The following MAP2 variants were observed in gnomAD, a reference collection of about 807,000 sequenced individuals.
The protein encoded by MAP2 is microtubule associated protein 2.
In MAP2, 14 loss-of-function variants were observed where a neutral mutation model predicts 137.6. The ratio of observed to expected loss-of-function variants is 0.10; its 90% CI spans 0.07 to 0.16. The LOEUF is 0.16. Among genes scored for constraint, MAP2 ranks in the 10% least tolerant of loss-of-function variants. MAP2 has a pLI of 1.00. For missense variants in MAP2, 2,088 were observed against 2,191.5 expected, an observed-to-expected ratio of 0.95 and a Z score of 0.94; for synonymous variants, 786 against 782.3, an observed-to-expected ratio of 1.00 and a Z score of -0.08.
At chr2:209,722,545 G>T (rs971050955) in intron 13 of MAP2, among the ~76,000 whole-genome samples, 5 of 152,038 alleles carry the variant, frequency 3.3e-5, no homozygotes, top group Non-Finnish European at 5.9e-5. Context: ...TTGCAGAGGT[G>T]GGGAAGAGAA....
At position 209,443,124 on chromosome 2, in the gene MAP2, T is replaced by G. The variant is rs1043632915; in HGVS notation, c.-222+18848T>G. ...GAAGCATGCTATCTCTTCAATCTTA[T>G]TTTCAGCCACTCCCTTCCTGTATTT... On this transcript the variant is annotated intron_variant, in intron 1 of 15. Transcript: ENST00000682079. Among the ~76,000 whole-genome samples the G allele has an allele frequency of 4.0e-5, 6 of 151,506 alleles. No individual in the cohort carries two copies. The South Asian group carries it at 6.2e-4, about 16-fold the overall frequency.
intron 3 of MAP2, 146 bp from the exon 4 acceptor site, chr2:209,624,907 T>C (rs576108716): frequency 1.1e-4 from 16 of 152,332 alleles, no homozygotes; most frequent in African/African-American, 3.8e-4. Flanking sequence ...GTATGACCAC[T>C]ATAAAGAACC....
intron 14 of MAP2, among the ~76,000 whole-genome samples, chr2:209,726,291 C>T (rs1307429817): frequency 6.6e-6 from 1 of 152,264 alleles, no homozygotes; most frequent in East Asian, 1.9e-4. Flanking sequence ...GCAATGTTTC[C>T]TCAACTTATT....
chr2:209,527,721 C>T (rs1314831498), intron 2 of MAP2, among the ~76,000 whole-genome samples: 2 of 152,048 alleles, frequency 1.3e-5, no homozygotes, highest in Admixed American at 6.6e-5. Flanking sequence ...TCAGAGTGTC[C>T]CCTGAACCAG....
At chr2:209,599,652 T>C (rs924386867) in intron 3 of MAP2, among the ~76,000 whole-genome samples, 1 of 152,186 alleles carries the variant, frequency 6.6e-6, no homozygotes, top group Non-Finnish European at 1.5e-5. Flanking sequence ...AATTGCCTTC[T>C]TGTCAACAGA....
chr2:209,642,048 C>T (rs2094075562), intron 4 of MAP2, among the ~76,000 whole-genome samples: 1 of 152,142 alleles, frequency 6.6e-6, no homozygotes, highest in South Asian at 2.1e-4. Flanking sequence ...CCAGATCTCT[C>T]TGGAAGTGTC....
chr2:209,627,557 T>C (rs1206759189), intron 4 of MAP2, among the ~76,000 whole-genome samples: 3 of 152,322 alleles, frequency 2.0e-5, no homozygotes, highest in Non-Finnish European at 1.5e-5. Flanking sequence ...ATATAATGAT[T>C]GCAGAGCCTG....
chr2:209,434,947 T>TATATATATATGTTATATATATATG (rs1559157795), intron 1 of MAP2, among the ~76,000 whole-genome samples: 5 of 141,832 alleles, frequency 3.5e-5, no homozygotes, highest in African/African-American at 1.3e-4. Flanking sequence ...ATATATGTGT[T>TATATATATATGTTATATATATATG]TTATATATAT....
intron 1 of MAP2, among the ~76,000 whole-genome samples, chr2:209,479,645 C>CA (rs1194689472): frequency 6.6e-6 from 1 of 152,014 alleles, no homozygotes; most frequent in Non-Finnish European, 1.5e-5. Context: ...TAGAAAAATT[C>CA]AGAGATTCTG....
intron 2 of MAP2, among the ~76,000 whole-genome samples, chr2:209,525,467 T>C (rs1435499229): frequency 6.6e-6 from 1 of 152,124 alleles, no homozygotes. Context: ...TATGAAGAAT[T>C]GTTATTCACG....
At chr2:209,690,758 A>C in intron 7 of MAP2, 1 of 1,289,800 alleles carries the variant, frequency 7.8e-7, no homozygotes, top group Non-Finnish European at 1.0e-6. Context: ...TCCCGAAGAG[A>C]GTGCCCCAGC....
chr2:209,706,351 T>TC (rs1389774548), intron 12 of MAP2, among the ~76,000 whole-genome samples: 1 of 152,124 alleles, frequency 6.6e-6, no homozygotes, highest in Non-Finnish European at 1.5e-5. Flanking sequence ...TCAAATTACT[T>TC]CCGTAAATAT....
chr2:209,673,344 C>T (rs1466294378), intron 5 of MAP2, among the ~76,000 whole-genome samples: 2 of 151,672 alleles, frequency 1.3e-5, no homozygotes, highest in Non-Finnish European at 3.0e-5. Context: ...CAGAAATTGT[C>T]TCATTATCAT....
At chr2:209,449,063 A>T (rs185422593) in intron 1 of MAP2, among the ~76,000 whole-genome samples, 6 of 152,278 alleles carry the variant, frequency 3.9e-5, no homozygotes, top group Non-Finnish European at 8.8e-5. Flanking sequence ...ACGTGCTTCC[A>T]TTAGGTCTTC....
intron 4 of MAP2, among the ~76,000 whole-genome samples, chr2:209,640,552 C>CA (rs5838177): frequency 0.17 from 23,388 of 136,182 alleles, 2,516 homozygotes; most frequent in African/African-American, 0.31. Context: ...CAAAGAAATG[C>CA]AAAAAAAAAA....
intron 2 of MAP2, among the ~76,000 whole-genome samples, chr2:209,522,712 T>C (rs1272576009): frequency 6.6e-6 from 1 of 152,192 alleles, no homozygotes; most frequent in Non-Finnish European, 1.5e-5. Flanking sequence ...GTTTTTGTTT[T>C]TGTTTTTGTT....
At chr2:209,702,136 T>G (rs13419654) in intron 11 of MAP2, among the ~76,000 whole-genome samples, 1,910 of 152,168 alleles carry the variant, frequency 0.013, 39 homozygotes, top group African/African-American at 0.044. Flanking sequence ...AAGTCTGACC[T>G]TTCCTCCTTT....
intron 1 of MAP2, among the ~76,000 whole-genome samples, chr2:209,467,986 G>C (rs961187003): frequency 6.6e-6 from 1 of 152,090 alleles, no homozygotes; most frequent in Admixed American, 6.6e-5. Flanking sequence ...GCAGCAACTG[G>C]TTTATACTTA....
At chr2:209,479,559 T>C (rs1708230361) in intron 1 of MAP2, among the ~76,000 whole-genome samples, 1 of 152,176 alleles carries the variant, frequency 6.6e-6, no homozygotes, top group Non-Finnish European at 1.5e-5. Context: ...CATTAATTTC[T>C]AAATCTTATA....
Sources: gnomAD v4.1 joint callset for allele counts (sites outside exome capture counted in the v4.1 genomes callset) on GRCh38, gnomAD v4.1.1 for gene constraint, MANE v1.5 for transcripts, NCBI Gene and HGNC (gene_info 2026-07-23, HGNC 2026-07-21) for gene names.